The following KCNK1 variants were observed in gnomAD, a reference collection of about 807,000 sequenced individuals.
KCNK1 encodes potassium two pore domain channel subfamily K member 1.
KCNK1 carries 10 observed loss-of-function variants against 22.2 expected under a neutral mutation model. The observed-to-expected ratio is 0.45, with a 90% CI of 0.28 to 0.76. The LOEUF (loss-of-function observed/expected upper bound fraction) is 0.76, where lower values mean the gene tolerates loss of function less well. KCNK1 is among the 30% of genes least tolerant of loss of function. KCNK1 has a pLI of 0.14. For synonymous variants in KCNK1, 200 were observed against 186.4 expected (o/e 1.07, Z -0.60); for missense variants, 378 against 421.0 (o/e 0.90, Z 0.89).
rs184090433 is a variant in KCNK1, at chr1:233,667,586, C to T, written c.751+596C>T. 1.6e-3 allele frequency among the ~76,000 whole-genome samples: 250 copies of T among 151,534 alleles called. 1 individual carries two copies. Among genetic ancestry groups the T allele is most frequent in the African/African-American group, 5.7e-3 (236 of 41,350 alleles). On this transcript the variant is annotated intron_variant, in intron 2 of 2. Coordinates refer to ENST00000366621, the MANE Select transcript of KCNK1 (RefSeq NM_002245.4). ...TGTACTAAAAATACAAAAAATTAGC[C>T]GGGCGTGGTAGCGGGCGCCTGTAGT...
intron 1 of KCNK1, chr1:233,629,780 C>G (rs561150311): frequency 8.5e-5 from 13 of 152,170 alleles, no homozygotes; most frequent in African/African-American, 2.9e-4. Context: ...AAACCATGGG[C>G]GGAGCTTGTC....
At chr1:233,615,150 G>A (rs1657465057) in intron 1 of KCNK1, among the ~76,000 whole-genome samples, 1 of 152,248 alleles carries the variant, frequency 6.6e-6, no homozygotes, top group South Asian at 2.1e-4. Flanking sequence ...GGTGACCTCT[G>A]GGCGGACAGG....
chr1:233,659,616 C>T (rs1000376430), intron 1 of KCNK1, among the ~76,000 whole-genome samples: 21 of 151,560 alleles, frequency 1.4e-4, no homozygotes, highest in Middle Eastern at 3.2e-3. Context: ...ATGCAAATAG[C>T]AGCGCAGGAG....
chr1:233,659,790 T>C (rs1339166291), intron 1 of KCNK1, among the ~76,000 whole-genome samples: 2 of 152,116 alleles, frequency 1.3e-5, no homozygotes, highest in Non-Finnish European at 2.9e-5. Context: ...CGTCGTTATG[T>C]GGTACATTGA....
At chr1:233,630,378 A>G (rs1657770819) in intron 1 of KCNK1, 1 of 152,242 alleles carries the variant, frequency 6.6e-6, no homozygotes, top group African/African-American at 2.4e-5. Flanking sequence ...TAAAAGAAAC[A>G]GGCATTCTTT....
intron 1 of KCNK1, among the ~76,000 whole-genome samples, chr1:233,617,994 G>A (rs141311217): frequency 2.9e-3 from 446 of 152,286 alleles, no homozygotes; most frequent in Non-Finnish European, 5.7e-3. Flanking sequence ...GAGGAATTTA[G>A]CAAGGCCTAT....
intron 1 of KCNK1, among the ~76,000 whole-genome samples, chr1:233,663,849 G>A (rs1043544903): frequency 6.6e-6 from 1 of 151,686 alleles, no homozygotes; most frequent in African/African-American, 2.4e-5. Context: ...GCGGGGGGGT[G>A]GGGACAGAGT....
At chr1:233,657,685 GAAAA>G (rs939123292) in intron 1 of KCNK1, among the ~76,000 whole-genome samples, 4 of 147,236 alleles carry the variant, frequency 2.7e-5, no homozygotes, top group Non-Finnish European at 3.0e-5. Context: ...GAAAGAGAAA[GAAAA>G]GAAAGAAAGA....
intron 1 of KCNK1, among the ~76,000 whole-genome samples, chr1:233,632,837 G>A (rs1025333449): frequency 2.6e-5 from 4 of 152,028 alleles, no homozygotes; most frequent in African/African-American, 9.7e-5. Flanking sequence ...CCCTCATCAG[G>A]TTCATTAGCA....
chr1:233,655,148 A>G (rs1304856177), intron 1 of KCNK1, among the ~76,000 whole-genome samples: 1 of 152,202 alleles, frequency 6.6e-6, no homozygotes, highest in Non-Finnish European at 1.5e-5. Flanking sequence ...CATTGAGCCA[A>G]AGAAGATTAT....
At chr1:233,661,381 A>T (rs958380771) in intron 1 of KCNK1, among the ~76,000 whole-genome samples, 4 of 152,328 alleles carry the variant, frequency 2.6e-5, no homozygotes, top group African/African-American at 7.2e-5. Flanking sequence ...CCATGTCCCA[A>T]CTAGGAATGC....
chr1:233,630,559 C>T (rs1657773224), intron 1 of KCNK1: 1 of 152,210 alleles, frequency 6.6e-6, no homozygotes, highest in Non-Finnish European at 1.5e-5. Flanking sequence ...GATGACAGAA[C>T]TACTGTATGA....
At chr1:233,652,618 A>G (rs956199739) in intron 1 of KCNK1, among the ~76,000 whole-genome samples, 6 of 152,214 alleles carry the variant, frequency 3.9e-5, no homozygotes, top group Non-Finnish European at 7.3e-5. Flanking sequence ...AGAGTTAACA[A>G]GTAACAAACA....
intron 2 of KCNK1, among the ~76,000 whole-genome samples, chr1:233,668,610 A>AT (rs775097409): frequency 0.03 from 4,490 of 148,362 alleles, 91 homozygotes; most frequent in African/African-American, 0.055. Context: ...ATTGTAGAGA[A>AT]TTTTTTTTTT....
intron 1 of KCNK1, among the ~76,000 whole-genome samples, chr1:233,639,162 A>C (rs917652083): frequency 1.3e-5 from 2 of 152,258 alleles, no homozygotes; most frequent in Non-Finnish European, 2.9e-5. Context: ...AGTCCAAAGA[A>C]GGGGCTAACT....
Position 233,671,575 on chromosome 1 carries a change from C to G in KCNK1, c.*45C>G, listed in dbSNP as rs1658599721. The G allele has an allele frequency of 6.2e-7, 1 of 1,607,912 alleles. No homozygotes were observed. The highest frequency in any genetic ancestry group is 2.2e-5 in the East Asian group (1 of 44,796). ...ATGCTAGAGCACCAGGGTCAGGGTG[C>G]AAGGAAGAGGCTTAAGTATGTTCAT... is the stretch of plus-strand genomic sequence containing the variant. On this transcript the variant is annotated 3_prime_UTR_variant, in exon 3 of 3. Transcript: ENST00000366621.
At position 233,629,087 on chromosome 1, in the gene KCNK1, T is replaced by C. The variant is rs188320843; in HGVS notation, c.355+14561T>C. 2.6e-5 allele frequency among the ~76,000 whole-genome samples: 4 copies of C among 152,254 alleles called. No homozygotes were observed. In the East Asian group the frequency reaches 7.7e-4, roughly 29 times the overall value. On this transcript the variant is annotated intron_variant, in intron 1 of 2. Transcript: ENST00000366621. Reference sequence around the variant, plus strand: ...AATATTTACTGAGTACATCCCAACATGTGGGGATGCATTAAAAAATACTGT... The same window carrying C: ...AATATTTACTGAGTACATCCCAACACGTGGGGATGCATTAAAAAATACTGT...
chr1:233,654,365 T>C (rs909451896), intron 1 of KCNK1, among the ~76,000 whole-genome samples: 9 of 152,052 alleles, frequency 5.9e-5, no homozygotes, highest in African/African-American at 1.9e-4. Context: ...AGAAAACAAA[T>C]TTTTTTAAAA....
intron 1 of KCNK1, among the ~76,000 whole-genome samples, chr1:233,666,092 T>C (rs1658484297): frequency 6.6e-6 from 1 of 152,226 alleles, no homozygotes; most frequent in Non-Finnish European, 1.5e-5. Flanking sequence ...CTTGGTTCTA[T>C]TCACACACCT....
Sources: allele counts gnomAD v4.1 joint callset (sites outside exome capture counted in the v4.1 genomes callset), GRCh38; gene constraint gnomAD v4.1.1; transcripts MANE v1.5; gene names NCBI Gene and HGNC (gene_info 2026-07-23, HGNC 2026-07-21).